TG: variants seen among roughly 807,000 people sequenced by gnomAD.
The protein encoded by TG is thyroglobulin.
Under a neutral mutation model 324.7 loss-of-function variants are expected in TG, and 270 were observed. That is an observed-to-expected ratio of 0.83 (90% CI 0.75 to 0.92). TG has a LOEUF of 0.92. TG is among the 40% of genes least tolerant of loss of function. The pLI, the probability that TG is intolerant of heterozygous loss-of-function variation, is 0.00. For synonymous variants in TG, 1,401 were observed against 1,327.0 expected (o/e 1.06, Z -1.21); for missense variants, 3,591 against 3,456.4 (o/e 1.04, Z -0.98).
intron 5 of TG, among the ~76,000 whole-genome samples, chr8:132,876,322 C>CG (rs1472353381): frequency 2.0e-5 from 3 of 151,882 alleles, no homozygotes; most frequent in South Asian, 2.1e-4. Flanking sequence ...AGGTGAGGGT[C>CG]GGGGGGAGTC....
intron 27 of TG, among the ~76,000 whole-genome samples, chr8:132,958,501 C>T (rs888206812): frequency 1.3e-5 from 2 of 152,036 alleles, no homozygotes; most frequent in Non-Finnish European, 2.9e-5. Context: ...AGGTGGATCA[C>T]GAGGTCAGGA....
rs115301417 is a variant in TG at position 132,892,548 on chromosome 8, A to G, written c.2762-1142A>G. Among the ~76,000 whole-genome samples the G allele has an allele frequency of 4.1e-3, 622 of 152,304 alleles. 3 individuals carry two copies. The highest frequency in any genetic ancestry group is 0.014 in the African/African-American group (589 of 41,568). ...TGGTTCCTCCACAAATGGTGACTGA[A>G]TGGGAGTGTGGAGGCAAAACAAGGA... On this transcript the variant is annotated intron_variant, in intron 10 of 47. Transcript: ENST00000220616.
intron 46 of TG, 83 bp from the exon 47 acceptor site, chr8:133,133,387 C>A: frequency 7.4e-7 from 1 of 1,345,630 alleles, no homozygotes; most frequent in Non-Finnish European, 1.1e-6. Context: ...CCTCAGATAC[C>A]GAGTGCAAGT....
At chr8:132,945,635 G>A (rs994276181) in intron 26 of TG, among the ~76,000 whole-genome samples, 3 of 152,134 alleles carry the variant, frequency 2.0e-5, no homozygotes, top group African/African-American at 7.2e-5. Flanking sequence ...CAGTTTTCTA[G>A]GAGGAGGGTG....
chr8:132,969,738 C>A (rs1156751979), intron 32 of TG, among the ~76,000 whole-genome samples, 169 bp downstream of exon 32: 1 of 151,782 alleles, frequency 6.6e-6, no homozygotes, highest in African/African-American at 2.4e-5. Context: ...TGGTGAAGCC[C>A]CGTCTCTACT....
At chr8:132,877,888 A>AT (rs1814059047) in intron 5 of TG, among the ~76,000 whole-genome samples, 2 of 152,122 alleles carry the variant, frequency 1.3e-5, no homozygotes, top group African/African-American at 4.8e-5. Flanking sequence ...AAAATATGGT[A>AT]TTTTTCAATT....
At chr8:132,927,100 C>A (rs1377327251) in intron 22 of TG, among the ~76,000 whole-genome samples, 2 of 152,176 alleles carry the variant, frequency 1.3e-5, no homozygotes, top group Non-Finnish European at 2.9e-5. Flanking sequence ...ACATCAAGTG[C>A]CTGAACAGAG....
intron 5 of TG, among the ~76,000 whole-genome samples, chr8:132,873,638 G>A (rs1220479059): frequency 7.2e-5 from 11 of 152,056 alleles, no homozygotes; most frequent in Admixed American, 7.2e-4. Context: ...ATCTGGAGAG[G>A]AGGCCACAGT....
At chr8:132,983,478 C>T (rs772271097) in intron 35 of TG, 66 bp downstream of exon 35, 263 of 1,499,864 alleles carry the variant, frequency 1.8e-4, no homozygotes, top group Non-Finnish European at 2.2e-4. Context: ...TTCTCCTCTT[C>T]CCCCTTGCTT....
At chr8:133,050,878 G>A in intron 41 of TG, 1 of 1,613,898 alleles carries the variant, frequency 6.2e-7, no homozygotes, top group Non-Finnish European at 8.5e-7. Flanking sequence ...CAGGAGACGG[G>A]TAGTCACTTA....
At chr8:133,094,373 A>T (rs1172803760) in intron 41 of TG, among the ~76,000 whole-genome samples, 2 of 150,990 alleles carry the variant, frequency 1.3e-5, no homozygotes, top group African/African-American at 2.4e-5. Flanking sequence ...CCCAAGTAGC[A>T]GGGACTACAG....
chr8:133,070,016 A>C (rs1199673475), intron 41 of TG, among the ~76,000 whole-genome samples: 2 of 95,666 alleles, frequency 2.1e-5, no homozygotes, highest in African/African-American at 6.7e-5. Context: ...AAAAAAAAAA[A>C]AAAAAAAAAA....
intron 16 of TG, among the ~76,000 whole-genome samples, chr8:132,905,981 G>A (rs959297917): frequency 6.6e-6 from 1 of 152,178 alleles, no homozygotes; most frequent in African/African-American, 2.4e-5. Flanking sequence ...TGAGAGTGAA[G>A]AGGAAGGCAG....
At chr8:133,091,857 G>A (rs1188696665) in intron 41 of TG, among the ~76,000 whole-genome samples, 1 of 152,084 alleles carries the variant, frequency 6.6e-6, no homozygotes, top group Non-Finnish European at 1.5e-5. Context: ...GTGTCTGTGT[G>A]TGTAAGTGTG....
At chr8:133,133,944 C>T (rs543250964) in intron 47 of TG, among the ~76,000 whole-genome samples, 1 of 152,310 alleles carries the variant, frequency 6.6e-6, no homozygotes, top group South Asian at 2.1e-4. Context: ...GAACCAACAT[C>T]AGGGCTTCCA....
intron 20 of TG, among the ~76,000 whole-genome samples, chr8:132,917,198 A>G (rs1179895882): frequency 6.6e-6 from 1 of 152,044 alleles, no homozygotes; most frequent in Non-Finnish European, 1.5e-5. Context: ...CAAGGCACTC[A>G]CAGCCTGGCT....
chr8:133,129,294 G>A lies in TG; in HGVS notation c.7863-2518G>A, dbSNP rs148969997. ...TGCCAGGACTTTCCCCCAAAGCAGT[G>A]CTCTGTGGCCTTTCTAAGGTCGCAG... On this transcript the variant is annotated intron_variant, in intron 45 of 47. Transcript: ENST00000220616. Among the ~76,000 whole-genome samples, 492 of 152,338 alleles carry A rather than the reference G, an allele frequency of 3.2e-3. 4 individuals are homozygous for A. Among genetic ancestry groups the A allele is most frequent in the African/African-American group, 0.011 (470 of 41,572 alleles).
At chr8:133,038,772 A>G (rs186233001) in intron 41 of TG, 9 of 1,453,560 alleles carry the variant, frequency 6.2e-6, no homozygotes, top group South Asian at 3.4e-5. Context: ...AGAGAAAGGG[A>G]AAAAAAGAGA....
At chr8:132,956,432 T>C (rs1311633893) in intron 27 of TG, among the ~76,000 whole-genome samples, 1 of 152,140 alleles carries the variant, frequency 6.6e-6, no homozygotes, top group Non-Finnish European at 1.5e-5. Flanking sequence ...CTCTGAATAC[T>C]GCAAACTCAG....
Sources: allele counts gnomAD v4.1 joint callset (sites outside exome capture counted in the v4.1 genomes callset), GRCh38; gene constraint gnomAD v4.1.1; transcripts MANE v1.5; gene names NCBI Gene and HGNC (gene_info 2026-07-23, HGNC 2026-07-21).